The following PIGN variants were observed in gnomAD, a reference collection of about 807,000 sequenced individuals.
PIGN encodes GPI ethanolamine phosphate transferase 1.
PIGN carries 117 observed loss-of-function variants against 125.4 expected under a neutral mutation model. The observed-to-expected ratio is 0.93, with a 90% CI of 0.80 to 1.09. The LOEUF is 1.09. Ranked by LOEUF, PIGN falls within the 50% of genes least tolerant of loss-of-function variation. The pLI is 0.00. For synonymous variants in PIGN, 392 were observed against 377.8 expected (o/e 1.04, Z -0.44); for missense variants, 1,075 against 1,094.9 (o/e 0.98, Z 0.26).
chr18:62,149,330 A>G (rs1434142632), intron 7 of PIGN, among the ~76,000 whole-genome samples: 1 of 152,216 alleles, frequency 6.6e-6, no homozygotes, highest in Non-Finnish European at 1.5e-5. Context: ...TAACTTTCAT[A>G]TACATTCTAC....
In PIGN at chr18:62,106,830, C is replaced by T. The variant is rs1384644095; in HGVS notation, c.1726G>A (p.Ala576Thr). The change falls in exon 19 of 31, where the codon GCA becomes ACA. Residue 576 changes from alanine (A) to threonine (T), a missense_variant. Ala to Thr is a moderately conservative substitution (Grantham distance 58). This residue lies in a region of PIGN where 915 missense variants were observed against 908.7 expected (regional missense o/e 1.01). Transcript: ENST00000640252. ...YMLTAGLTAFAAWPFLTRLWT... is the reference protein window; with the variant it reads ...YMLTAGLTAFTAWPFLTRLWT... The stretch of plus-strand genomic sequence containing the variant: ...AGCCGAGTGAGAAATGGCCAAGCTG[C>T]AAAGGCAGTAAGTCCAGCGGTAAGC... The T allele has an allele frequency of 6.2e-7, 1 of 1,609,352 alleles. No homozygotes were observed. Among genetic ancestry groups the T allele is most frequent in the East Asian group, 2.2e-5 (1 of 44,636 alleles).
chr18:62,095,110 T>C (rs1282915699), intron 23 of PIGN, among the ~76,000 whole-genome samples: 1 of 152,230 alleles, frequency 6.6e-6, no homozygotes, highest in Non-Finnish European at 1.5e-5. Flanking sequence ...TCAATCAAGA[T>C]TCTGTATTTG....
At chr18:62,035,588 A>G (rs1191765896) in intron 23 of PIGN, among the ~76,000 whole-genome samples, 2 of 152,058 alleles carry the variant, frequency 1.3e-5, no homozygotes, top group Non-Finnish European at 2.9e-5. Flanking sequence ...CAGGTTTGTT[A>G]CATATGTATA....
intron 30 of PIGN, among the ~76,000 whole-genome samples, chr18:62,068,252 A>G (rs1265221893): frequency 6.6e-6 from 1 of 152,130 alleles, no homozygotes; most frequent in Admixed American, 6.6e-5. Flanking sequence ...CAGATATCCA[A>G]TTAATCTCCT....
chr18:62,139,428 A>T lies in PIGN; in HGVS notation c.1024-353T>A, dbSNP rs79235472. 8.9e-3 allele frequency among the ~76,000 whole-genome samples: 1,363 copies of T among 152,364 alleles called. 16 individuals carry two copies. The highest frequency in any genetic ancestry group is 0.025 in the African/African-American group (1,058 of 41,580). On this transcript the variant is annotated intron_variant, in intron 12 of 30. Coordinates refer to ENST00000640252, the MANE Select transcript of PIGN (RefSeq NM_176787.5). ...TAAAATAAAAGACTTCAGACATATC[A>T]GAGTGTACTGTACATAATAAGAGTA...
chr18:62,041,638 C>CGGGTGTGT lies in PIGN; in HGVS notation c.*4210_*4217dup, dbSNP rs1228852664. On this transcript the variant is annotated 3_prime_UTR_variant, in exon 31 of 31. Coordinates refer to ENST00000640252, the MANE Select transcript of PIGN (RefSeq NM_176787.5). ...GGATTACAGGAGCCTACCACCCCGC[C>CGGGTGTGT]GGGTGTGTGTGTGTGTGTGTGTGTG... The CGGGTGTGT allele has an allele frequency of 1.1e-5, 1 of 95,236 alleles. No homozygotes were observed. Among genetic ancestry groups the CGGGTGTGT allele is most frequent in the African/African-American group, 4.3e-5 (1 of 23,116 alleles). The allele number at this position is 95,236 out of a possible 1,614,324, so 5.9% of individuals were successfully genotyped here. A position where few individuals can be genotyped will look rare whatever the true frequency, so the allele number is the denominator to read the frequency against.
chr18:62,135,153 T>G (rs1295894890), intron 14 of PIGN, among the ~76,000 whole-genome samples: 2 of 152,222 alleles, frequency 1.3e-5, no homozygotes, highest in Admixed American at 6.5e-5. Flanking sequence ...TTTTAATGCA[T>G]CTAGTACCTT....
At chr18:62,175,028 TTAGA>T (rs1270097511) in intron 1 of PIGN, among the ~76,000 whole-genome samples, 16 of 146,908 alleles carry the variant, frequency 1.1e-4, no homozygotes, top group African/African-American at 2.7e-4. Flanking sequence ...ATTATATATA[TTAGA>T]TATATATTAT....
Position 62,095,888 on chromosome 18 carries a change from G to A in PIGN, c.2140C>T (p.Leu714Phe). ...PVLFQRLFSILLSLMSTYLLL... is the reference protein window; with the variant it reads ...PVLFQRLFSIFLSLMSTYLLL... ...AGGTAGGTTGACATCAATGAAAGAAGTATGCTGAACAATCGCTGAAAGAGA... is the reference window on the plus strand; with the variant it reads ...AGGTAGGTTGACATCAATGAAAGAAATATGCTGAACAATCGCTGAAAGAGA... The change falls in exon 23 of 31, where the codon CTT becomes TTT. Residue 714 changes from leucine (L) to phenylalanine (F), a missense_variant. This residue lies in a region of PIGN where 915 missense variants were observed against 908.7 expected (regional missense o/e 1.01). Coordinates refer to ENST00000640252, the MANE Select transcript of PIGN (RefSeq NM_176787.5). 6.2e-7 allele frequency: 1 copy of A among 1,613,132 alleles called. No homozygotes were observed. Among genetic ancestry groups the A allele is most frequent in the South Asian group, 1.1e-5 (1 of 91,044 alleles).
chr18:62,137,064 A>G (rs988280473), intron 14 of PIGN: 1 of 398,462 alleles, frequency 2.5e-6, no homozygotes, highest in African/African-American at 2.1e-5. Flanking sequence ...GGAGTGGGAG[A>G]AGCAGACCCA....
At chr18:62,035,761 G>A (rs62096623) in intron 23 of PIGN, among the ~76,000 whole-genome samples, 26,353 of 151,126 alleles carry the variant, frequency 0.17, 3,133 homozygotes, top group Middle Eastern at 0.28. Flanking sequence ...CCACCTATGA[G>A]TGAGAACATG....
chr18:62,050,644 AAACAGGGACAATTTGAC>A (rs1370752444), intron 30 of PIGN, among the ~76,000 whole-genome samples: 1 of 152,024 alleles, frequency 6.6e-6, no homozygotes, highest in Admixed American at 6.6e-5. Flanking sequence ...TGTCATCTGC[AAACAGGGACAATTTGAC>A]TTCCTCTTTT....
chr18:62,141,658 C>T (rs889246455), intron 11 of PIGN, among the ~76,000 whole-genome samples: 2 of 152,196 alleles, frequency 1.3e-5, no homozygotes, highest in Admixed American at 1.3e-4. Context: ...TGTCGGCCAC[C>T]TCTAATCTCT....
At chr18:62,068,756 T>C (rs1159122836) in intron 30 of PIGN, among the ~76,000 whole-genome samples, 2 of 152,222 alleles carry the variant, frequency 1.3e-5, no homozygotes, top group Non-Finnish European at 1.5e-5. Flanking sequence ...TGGCCACTTC[T>C]TTCAGCCTTG....
Position 62,045,981 on chromosome 18 carries a change from T to C in PIGN, c.2673-2A>G. The C allele has an allele frequency of 1.2e-6, 2 of 1,611,518 alleles. No homozygotes were observed. The highest frequency in any genetic ancestry group is 1.1e-5 in the South Asian group (1 of 90,414). ...ATGACAATCACATAGTGGCTGATGC[T>C]GCAAAAGGAGAAAAAGATGTTACAG... On this transcript the variant is annotated splice_acceptor_variant, in intron 30 of 30. Transcript: ENST00000640252. LOFTEE classifies it high-confidence loss of function.
intron 30 of PIGN, among the ~76,000 whole-genome samples, chr18:62,054,282 T>C (rs550224193): frequency 6.6e-6 from 1 of 151,876 alleles, no homozygotes; most frequent in African/African-American, 2.4e-5. Flanking sequence ...AAAAAAAATC[T>C]TTGGGATCTG....
chr18:62,103,712 T>G (rs1490032313), intron 20 of PIGN: 1 of 152,220 alleles, frequency 6.6e-6, no homozygotes, highest in Non-Finnish European at 1.5e-5. Context: ...AAAGCAGAGC[T>G]GGACACCTAA....
intron 30 of PIGN, chr18:62,070,653 C>G: frequency 2.5e-6 from 1 of 393,596 alleles, no homozygotes; most frequent in Non-Finnish European, 4.5e-6. Context: ...TCTCAGAATG[C>G]ATTTGGAGAA....
intron 22 of PIGN, among the ~76,000 whole-genome samples, chr18:62,099,777 C>T (rs1324306963): frequency 6.6e-6 from 1 of 151,940 alleles, no homozygotes; most frequent in Non-Finnish European, 1.5e-5. Context: ...AACAATAAAA[C>T]AAGACACTTA....
Sources: allele counts gnomAD v4.1 joint callset (sites outside exome capture counted in the v4.1 genomes callset), GRCh38; gene constraint gnomAD v4.1.1; regional missense constraint gnomAD v4.1.1; transcripts MANE v1.5; gene names NCBI Gene and HGNC (gene_info 2026-07-23, HGNC 2026-07-21).